The following EXOC4 variants were observed in gnomAD, a reference collection of about 807,000 sequenced individuals.
EXOC4 encodes the protein SEC8-like 1.
EXOC4 carries 71 observed loss-of-function variants against 107.2 expected under a neutral mutation model. That is an observed-to-expected ratio of 0.66 (90% CI 0.55 to 0.81). The LOEUF is 0.81. Ranked by LOEUF, EXOC4 falls within the 30% of genes least tolerant of loss-of-function variation. EXOC4 has a pLI of 0.00. For missense variants in EXOC4, 1,108 were observed against 1,189.6 expected (o/e 0.93, Z 1.01); for synonymous variants, 456 against 441.2 (o/e 1.03, Z -0.42).
intron 9 of EXOC4, among the ~76,000 whole-genome samples, chr7:133,603,513 C>T (rs1006063927): frequency 2.0e-5 from 3 of 152,140 alleles, no homozygotes; most frequent in Non-Finnish European, 2.9e-5. Context: ...TATAGCCTGT[C>T]GCTCCTGATA....
chr7:133,708,199 T>C (rs1280152576), intron 10 of EXOC4, among the ~76,000 whole-genome samples: 2 of 152,250 alleles, frequency 1.3e-5, no homozygotes, highest in African/African-American at 2.4e-5. Context: ...ATGTGGTCAA[T>C]ACAGAAAAAT....
At chr7:134,009,477 C>G (rs902136053) in intron 17 of EXOC4, among the ~76,000 whole-genome samples, 1 of 152,082 alleles carries the variant, frequency 6.6e-6, no homozygotes, top group African/African-American at 2.4e-5. Flanking sequence ...CTGTCTCTTT[C>G]TTTCTATTTG....
At chr7:133,559,006 T>C (rs1800757370) in intron 9 of EXOC4, among the ~76,000 whole-genome samples, 1 of 152,210 alleles carries the variant, frequency 6.6e-6, no homozygotes, top group Non-Finnish European at 1.5e-5. Flanking sequence ...GTAAAATGCT[T>C]CTCAGGTTTA....
intron 9 of EXOC4, among the ~76,000 whole-genome samples, chr7:133,591,551 TGTGTGTGTGTGTGTGTGC>T (rs1801544281): frequency 2.8e-5 from 1 of 35,644 alleles, no homozygotes; most frequent in Non-Finnish European, 6.9e-5. Context: ...AGATCTGGTG[TGTGTGTGTGTGTGTGTGC>T]GTGTGTGTGT....
chr7:133,993,840 A>G (rs558681889), intron 14 of EXOC4, among the ~76,000 whole-genome samples: 18 of 152,322 alleles, frequency 1.2e-4, no homozygotes, highest in Admixed American at 9.1e-4. Flanking sequence ...ATCAGGAAAA[A>G]CAAAAGACTT....
intron 12 of EXOC4, among the ~76,000 whole-genome samples, chr7:133,897,276 T>G (rs919036139): frequency 2.6e-5 from 4 of 152,056 alleles, no homozygotes; most frequent in African/African-American, 9.7e-5. Context: ...ACCATCTCAT[T>G]GAGATGCAGT....
At chr7:133,499,061 T>C (rs546537587) in intron 9 of EXOC4, among the ~76,000 whole-genome samples, 26 of 151,784 alleles carry the variant, frequency 1.7e-4, no homozygotes, top group Non-Finnish European at 3.5e-4. Flanking sequence ...ACCGGTAGTA[T>C]GTCTTCTTCT....
chr7:133,671,333 G>A lies in EXOC4; in HGVS notation c.1514+41192G>A, dbSNP rs533431982. On this transcript the variant is annotated intron_variant, in intron 10 of 17. Coordinates refer to ENST00000253861, the MANE Select transcript of EXOC4 (RefSeq NM_021807.4). ...AATCACAGCACTTTGAGAGGCCGAG[G>A]CAGGTGGATCACTTGAGGTCAGGAG... Among the ~76,000 whole-genome samples, 14 of 152,240 alleles carry A rather than the reference G, an allele frequency of 9.2e-5. No individual in the cohort carries two copies. The East Asian group carries it at 2.7e-3, about 29-fold the overall frequency.
chr7:134,045,005 GT>G (rs201242110), intron 17 of EXOC4, among the ~76,000 whole-genome samples: 1,759 of 152,318 alleles, frequency 0.012, 25 homozygotes, highest in African/African-American at 0.04. Flanking sequence ...CAATACTGGT[GT>G]TATTGTTAAC....
chr7:133,592,753 C>T (rs1268287070), intron 9 of EXOC4, among the ~76,000 whole-genome samples: 1 of 152,170 alleles, frequency 6.6e-6, no homozygotes, highest in African/African-American at 2.4e-5. Flanking sequence ...CAGCCACGCA[C>T]CACCATGCCC....
At chr7:133,385,442 A>G (rs1584873749) in intron 7 of EXOC4, among the ~76,000 whole-genome samples, 1 of 152,178 alleles carries the variant, frequency 6.6e-6, no homozygotes, top group East Asian at 1.9e-4. Context: ...TTGTTAGAGA[A>G]TATTTACGTG....
In EXOC4 at chr7:133,855,130, T is replaced by TATAA. The variant is rs1563028612; in HGVS notation, c.1734+37589_1734+37590insAATA. Reference sequence around the variant, plus strand: ...ATATATATAAATATATATATATAAATATATATATATATAAATATATATATA... The same window carrying TATAA: ...ATATATATAAATATATATATATAAATATAAATATATATATATAAATATATATATA... On this transcript the variant is annotated intron_variant, in intron 11 of 17. Coordinates refer to ENST00000253861, the MANE Select transcript of EXOC4 (RefSeq NM_021807.4). Among the ~76,000 whole-genome samples, 155 of 105,956 alleles carry TATAA rather than the reference T, an allele frequency of 1.5e-3. 1 individual carries two copies. Among genetic ancestry groups the TATAA allele is most frequent in the Non-Finnish European group, 2.2e-3 (114 of 51,632 alleles). The allele number at this position is 105,956 out of a possible 152,430, so 69.5% of individuals were successfully genotyped here. A position where few individuals can be genotyped will look rare whatever the true frequency, so the allele number is the denominator to read the frequency against.
intron 10 of EXOC4, among the ~76,000 whole-genome samples, chr7:133,669,110 A>AT (rs1322592625): frequency 8.6e-5 from 13 of 150,386 alleles, no homozygotes; most frequent in African/African-American, 3.2e-4. Flanking sequence ...GCAAAAAGGC[A>AT]TTTACCTTTC....
intron 9 of EXOC4, among the ~76,000 whole-genome samples, chr7:133,569,435 T>C (rs1235104008): frequency 2.0e-5 from 3 of 152,186 alleles, no homozygotes; most frequent in Admixed American, 2.0e-4. Context: ...GACATAATCT[T>C]TAGGAAAGTG....
chr7:134,027,499 A>T (rs1201439863), intron 17 of EXOC4, among the ~76,000 whole-genome samples: 1 of 151,982 alleles, frequency 6.6e-6, no homozygotes, highest in Non-Finnish European at 1.5e-5. Flanking sequence ...CTCTACTGAA[A>T]ATACAAAAAT....
intron 11 of EXOC4, among the ~76,000 whole-genome samples, chr7:133,828,704 C>A (rs1329752415): frequency 6.6e-6 from 1 of 152,170 alleles, no homozygotes; most frequent in East Asian, 1.9e-4. Flanking sequence ...CCTGATACAT[C>A]TCTTATAACA....
chr7:134,009,865 G>C (rs1378256945), intron 17 of EXOC4: 4 of 152,096 alleles, frequency 2.6e-5, no homozygotes, highest in Admixed American at 2.6e-4. Flanking sequence ...CCTGGCATCT[G>C]AATAATGCAA....
intron 12 of EXOC4, among the ~76,000 whole-genome samples, chr7:133,917,248 C>G (rs1268254329): frequency 6.6e-6 from 1 of 152,156 alleles, no homozygotes; most frequent in Non-Finnish European, 1.5e-5. Context: ...ATGGTTATCC[C>G]ACTTTTTATT....
intron 11 of EXOC4, among the ~76,000 whole-genome samples, chr7:133,891,628 G>A (rs1799205766): frequency 1.1e-5 from 1 of 93,322 alleles, no homozygotes; most frequent in African/African-American, 6.9e-5. Flanking sequence ...AGAGTTTTTA[G>A]CATGAAGGGT....
Sources: gnomAD v4.1 joint callset for allele counts (sites outside exome capture counted in the v4.1 genomes callset) on GRCh38, gnomAD v4.1.1 for gene constraint, MANE v1.5 for transcripts, NCBI Gene and HGNC (gene_info 2026-07-23, HGNC 2026-07-21) for gene names.